The following SCLT1 variants were observed in gnomAD, a reference collection of about 807,000 sequenced individuals.
The protein encoded by SCLT1 is sodium channel-associated protein 1.
In SCLT1, 78 loss-of-function variants were observed where a neutral mutation model predicts 112.8. The observed-to-expected ratio is 0.69, with a 90% CI of 0.58 to 0.83. The LOEUF is 0.83. Ranked by LOEUF, SCLT1 falls within the 40% of genes least tolerant of loss-of-function variation. The probability of loss-of-function intolerance (pLI) is 0.00; values close to 1 mark genes in which losing one functional copy is unlikely to be tolerated. For synonymous variants in SCLT1, 257 were observed against 254.7 expected, an observed-to-expected ratio of 1.01 and a Z score of -0.09; for missense variants, 747 against 770.4, an observed-to-expected ratio of 0.97 and a Z score of 0.36.
intron 5 of SCLT1, among the ~76,000 whole-genome samples, chr4:129,007,034 T>C (rs1744090675): frequency 6.6e-6 from 1 of 152,246 alleles, no homozygotes; most frequent in African/African-American, 2.4e-5. Context: ...ACTGCTTAAC[T>C]TAGAAAAAGC....
At chr4:129,055,447 G>A (rs1749270128) in intron 2 of SCLT1, among the ~76,000 whole-genome samples, 2 of 152,302 alleles carry the variant, frequency 1.3e-5, no homozygotes, top group Non-Finnish European at 2.9e-5. Flanking sequence ...GCCCCTAACT[G>A]GGGCTGCTGC....
intron 5 of SCLT1, among the ~76,000 whole-genome samples, chr4:129,025,231 C>T (rs1246131115): frequency 2.6e-5 from 4 of 152,056 alleles, no homozygotes; most frequent in Non-Finnish European, 5.9e-5. Context: ...AAGAGCAACT[C>T]CAAGACACAT....
chr4:129,028,311 A>T (rs570885243), intron 5 of SCLT1, among the ~76,000 whole-genome samples: 1 of 151,192 alleles, frequency 6.6e-6, no homozygotes, highest in South Asian at 2.1e-4. Context: ...ACAGCATGGT[A>T]CTGGTACCAA....
chr4:128,909,840 C>T (rs1734956674), intron 18 of SCLT1, among the ~76,000 whole-genome samples: 1 of 152,148 alleles, frequency 6.6e-6, no homozygotes, highest in Non-Finnish European at 1.5e-5. Context: ...GAGAGGCAGA[C>T]TGCAGATAAA....
chr4:128,897,153 T>C (rs529256578), intron 18 of SCLT1, among the ~76,000 whole-genome samples: 2 of 151,912 alleles, frequency 1.3e-5, no homozygotes, highest in Non-Finnish European at 2.9e-5. Flanking sequence ...CCAACGTTCA[T>C]ATTCAGGAAA....
intron 18 of SCLT1, among the ~76,000 whole-genome samples, chr4:128,907,737 C>T (rs1302059235): frequency 1.3e-5 from 1 of 77,018 alleles, no homozygotes; most frequent in African/African-American, 6.5e-5. Context: ...TATCCTAACC[C>T]ATATTGAAAG....
At chr4:128,894,740 G>A (rs1039486124) in intron 18 of SCLT1, among the ~76,000 whole-genome samples, 4 of 151,916 alleles carry the variant, frequency 2.6e-5, no homozygotes, top group Non-Finnish European at 4.4e-5. Context: ...GTGCAGTGGC[G>A]TGATCTCGGC....
At chr4:129,022,604 T>A (rs1042036183) in intron 5 of SCLT1, among the ~76,000 whole-genome samples, 3 of 152,040 alleles carry the variant, frequency 2.0e-5, no homozygotes, top group African/African-American at 7.2e-5. Flanking sequence ...GAAAAAAGCA[T>A]GAAAAGGAAT....
chr4:128,955,535 C>T (rs1739148834), intron 13 of SCLT1, among the ~76,000 whole-genome samples: 1 of 152,008 alleles, frequency 6.6e-6, no homozygotes, highest in Admixed American at 6.6e-5. Flanking sequence ...AAATATGTGA[C>T]AATTTATTCA....
At position 128,946,147 on chromosome 4, in the gene SCLT1, G is replaced by A. The variant is rs1255810878; in HGVS notation, c.1299C>T (p.Tyr433=). ...KAVEEELEKI[Y]REGRGNESDY... is the part of the protein sequence containing the mutation. Reference sequence around the variant, plus strand: ...CACTCTCATTTCCTCTGCCTTCACGGTAAATCTGCAGAAAAGGCTTATTAG... The same window carrying A: ...CACTCTCATTTCCTCTGCCTTCACGATAAATCTGCAGAAAAGGCTTATTAG... The change falls in exon 16 of 21, where the codon TAC becomes TAT. Residue 433 remains tyrosine (Y), a synonymous_variant. Transcript: ENST00000281142. 1 of 1,600,898 alleles carries A rather than the reference G, an allele frequency of 6.2e-7. No individual in the cohort carries two copies. Among genetic ancestry groups the A allele is most frequent in the Admixed American group, 1.7e-5 (1 of 59,758 alleles).
intron 11 of SCLT1, among the ~76,000 whole-genome samples, chr4:128,964,538 C>T (rs1282999761): frequency 1.3e-5 from 2 of 152,130 alleles, no homozygotes; most frequent in Non-Finnish European, 2.9e-5. Context: ...ACATATTACG[C>T]CCAAGATGCA....
rs553944133 is a variant in SCLT1 at position 128,962,590 on chromosome 4, A to G, written c.869+2637T>C. ...AACCCCCTCTATCATTTTGTGTTTCAGAATAGAGCTAACAGCATAAAACAA... is the reference window on the plus strand; with the variant it reads ...AACCCCCTCTATCATTTTGTGTTTCGGAATAGAGCTAACAGCATAAAACAA... On this transcript the variant is annotated intron_variant, in intron 11 of 20. Coordinates refer to ENST00000281142, the MANE Select transcript of SCLT1 (RefSeq NM_144643.4). 2.6e-5 allele frequency among the ~76,000 whole-genome samples: 4 copies of G among 152,264 alleles called. No individual in the cohort carries two copies. In the East Asian group the frequency reaches 7.7e-4, roughly 29 times the overall value.
chr4:128,888,614 T>A (rs747482784), intron 20 of SCLT1, 65 bp downstream of exon 20: 13 of 850,816 alleles, frequency 1.5e-5, no homozygotes, highest in Non-Finnish European at 1.9e-5. Flanking sequence ...TTAAGTTCCC[T>A]GGGAACTTCT....
intron 5 of SCLT1, among the ~76,000 whole-genome samples, chr4:129,022,453 T>C (rs1297523756): frequency 3.9e-5 from 6 of 152,124 alleles, no homozygotes; most frequent in African/African-American, 1.4e-4. Flanking sequence ...GGAACATAAA[T>C]GACTTGATGG....
At chr4:128,910,792 A>G (rs892969094) in intron 18 of SCLT1, among the ~76,000 whole-genome samples, 4 of 152,068 alleles carry the variant, frequency 2.6e-5, no homozygotes, top group Admixed American at 1.3e-4. Context: ...CTTTTCACCA[A>G]TGATTTGAAA....
chr4:128,944,108 T>C (rs1437958853), intron 16 of SCLT1, among the ~76,000 whole-genome samples: 1 of 152,152 alleles, frequency 6.6e-6, no homozygotes, highest in Non-Finnish European at 1.5e-5. Context: ...TGATTTTCTT[T>C]GATCTCTACC....
Position 128,986,370 on chromosome 4 carries a change from TG to T in SCLT1, c.686+5796del, listed in dbSNP as rs1212917936. ...TTCACCACCACTGACTAAAGTAGCC[TG>T]GGCCTGGAATAAATTTAAGTGGCAG... On this transcript the variant is annotated intron_variant, in intron 9 of 20. Transcript: ENST00000281142. Among the ~76,000 whole-genome samples the T allele has an allele frequency of 2.0e-5, 3 of 152,256 alleles. No homozygotes were observed. The East Asian group carries it at 5.8e-4, about 29-fold the overall frequency.
In SCLT1 at chr4:129,011,180, T is replaced by G. The variant is rs988248237; in HGVS notation, c.291-7304A>C. On this transcript the variant is annotated intron_variant, in intron 5 of 20. Transcript: ENST00000281142. ...TTCTGCTTCATTTCAGATAATCATG[T>G]AGTTTTTGTCTTTAGTTCTGTTTAT... Among the ~76,000 whole-genome samples, 4 of 152,232 alleles carry G rather than the reference T, an allele frequency of 2.6e-5. No individual in the cohort carries two copies. The East Asian group carries it at 7.7e-4, about 29-fold the overall frequency.
intron 5 of SCLT1, among the ~76,000 whole-genome samples, chr4:129,034,570 C>A (rs1747015730): frequency 7.0e-6 from 1 of 143,872 alleles, no homozygotes; most frequent in South Asian, 2.2e-4. Context: ...TGTTCTAAAG[C>A]TATATATATA....
Sources: allele counts gnomAD v4.1 joint callset (sites outside exome capture counted in the v4.1 genomes callset), GRCh38; gene constraint gnomAD v4.1.1; transcripts MANE v1.5; gene names NCBI Gene and HGNC (gene_info 2026-07-23, HGNC 2026-07-21).